The following PLXDC2 variants were observed in gnomAD, a reference collection of about 807,000 sequenced individuals.
PLXDC2 encodes the protein plexin domain containing 2, also known as plexin domain-containing protein 2.
In PLXDC2, 40 loss-of-function variants were observed where a neutral mutation model predicts 68.9. That is an observed-to-expected ratio of 0.58 (90% confidence interval 0.45 to 0.76). The LOEUF is 0.76. PLXDC2 is among the 30% of genes least tolerant of loss of function. PLXDC2 has a pLI of 0.00. For synonymous variants in PLXDC2, 243 were observed against 234.2 expected (o/e 1.04, Z -0.34); for missense variants, 644 against 661.9 (o/e 0.97, Z 0.30).
intron 1 of PLXDC2, among the ~76,000 whole-genome samples, chr10:19,890,050 A>G (rs1441964514): frequency 1.3e-5 from 2 of 151,974 alleles, no homozygotes; most frequent in African/African-American, 4.8e-5. Context: ...TTGTTCATGT[A>G]TTTATTCCAG....
intron 13 of PLXDC2, among the ~76,000 whole-genome samples, chr10:20,246,841 A>T (rs1437539394): frequency 3.9e-5 from 6 of 152,214 alleles, no homozygotes. Flanking sequence ...AGAAATTATA[A>T]TGCCTTTTTT....
At chr10:19,925,639 G>T in intron 1 of PLXDC2, among the ~76,000 whole-genome samples, 1 of 152,190 alleles carries the variant, frequency 6.6e-6, no homozygotes, top group East Asian at 1.9e-4. Flanking sequence ...GGGAGACATT[G>T]GTTGTGAGAG....
chr10:20,102,426 G>A (rs1162004121), intron 4 of PLXDC2, among the ~76,000 whole-genome samples: 1 of 152,154 alleles, frequency 6.6e-6, no homozygotes, highest in Non-Finnish European at 1.5e-5. Context: ...TATAGTCATT[G>A]TTTTTATTCC....
chr10:20,044,255 TTCTTTC>T (rs1564294027), intron 2 of PLXDC2, among the ~76,000 whole-genome samples: 3 of 130,486 alleles, frequency 2.3e-5, no homozygotes, highest in African/African-American at 1.0e-4. Context: ...CTTTCTTTCT[TTCTTTC>T]TTTCTTTCTT....
At chr10:20,023,681 C>G (rs1835351115) in intron 2 of PLXDC2, among the ~76,000 whole-genome samples, 1 of 152,064 alleles carries the variant, frequency 6.6e-6, no homozygotes, top group Non-Finnish European at 1.5e-5. Flanking sequence ...ATTACCCAGT[C>G]TGTGGTATTC....
intron 1 of PLXDC2, among the ~76,000 whole-genome samples, chr10:19,976,748 C>T (rs921341650): frequency 6.6e-6 from 1 of 151,964 alleles, no homozygotes; most frequent in African/African-American, 2.4e-5. Context: ...TACTTGTTCT[C>T]TCCCTTTTGT....
At chr10:20,099,700 A>G (rs769251077) in intron 4 of PLXDC2, among the ~76,000 whole-genome samples, 52 of 152,208 alleles carry the variant, frequency 3.4e-4, no homozygotes, top group Admixed American at 2.6e-3. Flanking sequence ...TTCTCACTTG[A>G]AAAGATCTGC....
chr10:20,240,133 G>A (rs781634336), intron 12 of PLXDC2, among the ~76,000 whole-genome samples: 7 of 152,026 alleles, frequency 4.6e-5, no homozygotes, highest in Admixed American at 1.3e-4. Flanking sequence ...CTTTGTGTCC[G>A]TATGTATTCA....
intron 1 of PLXDC2, among the ~76,000 whole-genome samples, chr10:19,848,326 T>C (rs1837051889): frequency 6.6e-6 from 1 of 152,134 alleles, no homozygotes; most frequent in Non-Finnish European, 1.5e-5. Flanking sequence ...TTGTCATCTG[T>C]TTCTGCAGTT....
intron 9 of PLXDC2, among the ~76,000 whole-genome samples, chr10:20,194,544 T>G (rs1291284945): frequency 2.6e-5 from 4 of 152,002 alleles, no homozygotes; most frequent in Admixed American, 6.6e-5. Flanking sequence ...TTTAATCTGG[T>G]GCTTAGAAAA....
intron 7 of PLXDC2, 32 bp from the exon 8 acceptor site, chr10:20,176,967 T>A: frequency 6.7e-7 from 1 of 1,491,622 alleles, no homozygotes; most frequent in Non-Finnish European, 9.3e-7. Flanking sequence ...GAGGAAAGGT[T>A]AAAAATTGAT....
chr10:20,259,534 G>A (rs1176757477), intron 13 of PLXDC2, among the ~76,000 whole-genome samples: 1 of 152,192 alleles, frequency 6.6e-6, no homozygotes, highest in Non-Finnish European at 1.5e-5. Context: ...CAAACTGCAG[G>A]CATCAGCTCT....
chr10:19,832,435 C>T (rs1836711143), intron 1 of PLXDC2, among the ~76,000 whole-genome samples: 1 of 152,142 alleles, frequency 6.6e-6, no homozygotes, highest in South Asian at 2.1e-4. Context: ...AAAACCTAGC[C>T]ATTATATCTC....
At chr10:19,914,105 G>A (rs1420922594) in intron 1 of PLXDC2, among the ~76,000 whole-genome samples, 3 of 149,618 alleles carry the variant, frequency 2.0e-5, no homozygotes, top group African/African-American at 7.4e-5. Flanking sequence ...GAGGGAAGAA[G>A]GGAGGGAGGT....
intron 4 of PLXDC2, among the ~76,000 whole-genome samples, chr10:20,105,473 A>T (rs916479181): frequency 3.1e-5 from 4 of 130,118 alleles, no homozygotes; most frequent in Admixed American, 2.1e-4. Context: ...ATATGCATTA[A>T]AAAGCAAATA....
Position 19,817,202 on chromosome 10 carries a change from T to C in PLXDC2, c.112+11T>C, listed in dbSNP as rs1443518139. The stretch of plus-strand genomic sequence containing the variant: ...GAGACCAAATCCTTGGTAAGTAAGA[T>C]GCACTTTAGCTTGCTGATTTTGTGC... On this transcript the variant is annotated intron_variant, in intron 1 of 13. Coordinates refer to ENST00000377252, the MANE Select transcript of PLXDC2 (RefSeq NM_032812.9). 1.3e-6 allele frequency: 2 copies of C among 1,552,950 alleles called. No individual in the cohort carries two copies. Among genetic ancestry groups the C allele is most frequent in the East Asian group, 2.4e-5 (1 of 41,332 alleles).
chr10:19,820,951 C>G (rs1428343493), intron 1 of PLXDC2, among the ~76,000 whole-genome samples: 1 of 151,886 alleles, frequency 6.6e-6, no homozygotes, highest in Admixed American at 6.6e-5. Context: ...GGTGGTAGAC[C>G]CCTATAATCC....
chr10:19,952,984 C>G (rs1381930280), intron 1 of PLXDC2, among the ~76,000 whole-genome samples: 1 of 152,110 alleles, frequency 6.6e-6, no homozygotes. Flanking sequence ...CCTGCCTCAG[C>G]CTCCTAAGTA....
intron 4 of PLXDC2, among the ~76,000 whole-genome samples, chr10:20,131,864 G>C (rs1833872414): frequency 6.6e-6 from 1 of 151,238 alleles, no homozygotes; most frequent in African/African-American, 2.4e-5. Flanking sequence ...CCTTCCTTCT[G>C]CTAACTCTTT....
Sources: allele counts gnomAD v4.1 joint callset (sites outside exome capture counted in the v4.1 genomes callset), GRCh38; gene constraint gnomAD v4.1.1; transcripts MANE v1.5; gene names NCBI Gene and HGNC (gene_info 2026-07-23, HGNC 2026-07-21).